Variants in ADD1 observed in about 807,000 individuals in gnomAD.
ADD1 encodes the protein alpha-adducin.
ADD1 carries 24 observed loss-of-function variants against 80.5 expected under a neutral mutation model. That is an observed-to-expected ratio of 0.30 (90% CI 0.22 to 0.42). ADD1 has a LOEUF of 0.42. ADD1 is among the 10% of genes least tolerant of loss of function. ADD1 has a pLI of 1.00. For missense variants in ADD1, 948 were observed against 1,019.0 expected, an observed-to-expected ratio of 0.93 and a Z score of 0.95; for synonymous variants, 373 against 393.8, an observed-to-expected ratio of 0.95 and a Z score of 0.63.
chr4:2,916,492 C>G (rs557374531), intron 14 of ADD1, among the ~76,000 whole-genome samples: 1 of 152,202 alleles, frequency 6.6e-6, no homozygotes, highest in Non-Finnish European at 1.5e-5. Context: ...CTGCGCCCGG[C>G]CCTGAATATT....
intron 2 of ADD1, among the ~76,000 whole-genome samples, chr4:2,879,245 C>A (rs1188518509): frequency 6.6e-6 from 1 of 152,194 alleles, no homozygotes; most frequent in Non-Finnish European, 1.5e-5. Context: ...TCACTCAGGA[C>A]TAAGCTCAGC....
In ADD1 at chr4:2,884,658, CAT is replaced by C; in HGVS notation, c.505_506del (p.Ile169HisfsTer22). The C allele has an allele frequency of 6.2e-7, 1 of 1,606,690 alleles. No homozygotes were observed. The highest frequency in any genetic ancestry group is 8.5e-7 in the Non-Finnish European group (1 of 1,175,436). ...LFGWSQLIYN[H>X]ITTRVNSEQE... ...TGGGTGGTCTCAGCTTATCTACAAT[CAT>C]ATCACAGTGAGTATTAAATGGGCTA... On this transcript the variant is annotated frameshift_variant, in exon 4 of 16. Coordinates refer to ENST00000683351, the MANE Select transcript of ADD1 (RefSeq NM_001354761.2). LOFTEE classifies it high-confidence loss of function.
intron 1 of ADD1, among the ~76,000 whole-genome samples, chr4:2,856,584 GTTTTT>G (rs35341139): frequency 1.9e-5 from 2 of 105,812 alleles, no homozygotes; most frequent in South Asian, 3.0e-4. Flanking sequence ...GGTTACTAGA[GTTTTT>G]TTTTTTTTTT....
intron 4 of ADD1, among the ~76,000 whole-genome samples, chr4:2,891,585 C>T (rs1182488940): frequency 1.3e-5 from 2 of 152,166 alleles, no homozygotes; most frequent in African/African-American, 4.8e-5. Context: ...TGACCCCTAG[C>T]AATGATTTAG....
chr4:2,893,275 A>T (rs1734614581), intron 4 of ADD1, among the ~76,000 whole-genome samples: 1 of 151,612 alleles, frequency 6.6e-6, no homozygotes, highest in South Asian at 2.1e-4. Flanking sequence ...TGCCTACTGC[A>T]GCAAGGAAAA....
Position 2,896,161 on chromosome 4 carries a change from A to G in ADD1, c.741+1430A>G, listed in dbSNP as rs181862829. Among the ~76,000 whole-genome samples the G allele has an allele frequency of 1.1e-3, 167 of 151,934 alleles. 1 individual carries two copies. The highest frequency in any genetic ancestry group is 3.6e-3 in the Admixed American group (55 of 15,270). On this transcript the variant is annotated intron_variant, in intron 6 of 15. Transcript: ENST00000683351. Reference sequence around the variant, plus strand: ...TTCGGCCTCCCAAAGTGCTGGGATTACAGGTGTGAGCCACTGCACCCGGCC... The same window carrying G: ...TTCGGCCTCCCAAAGTGCTGGGATTGCAGGTGTGAGCCACTGCACCCGGCC...
chr4:2,884,416 C>G (rs1732904016), intron 3 of ADD1, 99 bp from the exon 4 acceptor site: 3 of 969,452 alleles, frequency 3.1e-6, no homozygotes, highest in South Asian at 4.7e-5. Context: ...GCCTCAAACT[C>G]ATGGCTTCAA....
At chr4:2,856,850 C>T (rs906306842) in intron 1 of ADD1, among the ~76,000 whole-genome samples, 3 of 151,842 alleles carry the variant, frequency 2.0e-5, no homozygotes, top group African/African-American at 2.4e-5. Context: ...CTTGGCCTCC[C>T]GAAGTGCTGG....
At position 2,899,272 on chromosome 4, in the gene ADD1, C is replaced by A. The variant is rs1260774769; in HGVS notation, c.998C>A (p.Ala333Asp). ...GTTTTGGAAAAGGTTCGAACTCTGG[C>A]CAGTGCAGGAGGACCAGACAACTTA... ...VACEIQVRTL[A>D]SAGGPDNLVL... is the part of the protein sequence containing the mutation. The change falls in exon 9 of 16, where the codon GCC becomes GAC. Residue 333 changes from alanine (A) to aspartate (D), a missense_variant. Physicochemically the swap from Ala to Asp is moderately radical, Grantham distance 126. Transcript: ENST00000683351. 39 of 1,610,566 alleles carry A rather than the reference C, an allele frequency of 2.4e-5. No individual in the cohort carries two copies. Among genetic ancestry groups the A allele is most frequent in the Non-Finnish European group, 3.0e-5 (35 of 1,177,282 alleles).
intron 13 of ADD1, among the ~76,000 whole-genome samples, chr4:2,909,698 A>G (rs1737688865): frequency 6.6e-6 from 1 of 152,152 alleles, no homozygotes; most frequent in East Asian, 1.9e-4. Flanking sequence ...GCATTTCTGC[A>G]GTTCCGCACG....
At chr4:2,870,337 A>G (rs1244259268) in intron 1 of ADD1, among the ~76,000 whole-genome samples, 1 of 152,238 alleles carries the variant, frequency 6.6e-6, no homozygotes, top group Non-Finnish European at 1.5e-5. Flanking sequence ...GAGTCAGTAA[A>G]TAATGTACTA....
At chr4:2,849,008 C>T (rs141420323) in intron 1 of ADD1, among the ~76,000 whole-genome samples, 290 of 152,284 alleles carry the variant, frequency 1.9e-3, no homozygotes, top group Middle Eastern at 3.4e-3. Flanking sequence ...GATACATTCT[C>T]AGAAGTGAGA....
chr4:2,853,171 C>T (rs964369026), intron 1 of ADD1: 3 of 150,326 alleles, frequency 2.0e-5, no homozygotes, highest in African/African-American at 7.4e-5. Flanking sequence ...TGCAGTGGCA[C>T]GATCTTGGCT....
intron 2 of ADD1, 179 bp from the exon 3 acceptor site, chr4:2,881,719 A>G (rs1732376739): frequency 4.5e-6 from 2 of 448,960 alleles, no homozygotes. Context: ...ATTGTATTAA[A>G]TTACTTTCTA....
chr4:2,881,051 A>G (rs1018740579), intron 2 of ADD1, among the ~76,000 whole-genome samples: 1 of 149,734 alleles, frequency 6.7e-6, no homozygotes, highest in African/African-American at 2.5e-5. Context: ...AAGGATTACA[A>G]TGAACATTTT....
At chr4:2,881,072 CTTT>C (rs752868581) in intron 2 of ADD1, among the ~76,000 whole-genome samples, 1 of 89,358 alleles carries the variant, frequency 1.1e-5, no homozygotes, top group Non-Finnish European at 2.0e-5. Flanking sequence ...GATGTATTTA[CTTT>C]TTTTTTTTTT....
intron 4 of ADD1, among the ~76,000 whole-genome samples, chr4:2,888,431 A>G (rs1560195156): frequency 7.5e-6 from 1 of 133,522 alleles, no homozygotes; most frequent in African/African-American, 2.9e-5. Context: ...TATTATTATT[A>G]TTTTAGGCAG....
intron 1 of ADD1, among the ~76,000 whole-genome samples, chr4:2,872,094 G>C (rs1479670640): frequency 1.3e-5 from 2 of 152,182 alleles, no homozygotes; most frequent in African/African-American, 4.8e-5. Flanking sequence ...GAGTGTCCAG[G>C]AAGTGAGTGA....
chr4:2,911,431 C>CATATATATATATATATATATAT (rs1553848842), intron 13 of ADD1, among the ~76,000 whole-genome samples: 6 of 140,884 alleles, frequency 4.3e-5, no homozygotes, highest in Admixed American at 1.4e-4. Context: ...ACCTGAAATA[C>CATATATATATATATATATATAT]ATATATATAT....
Sources: allele counts gnomAD v4.1 joint callset (sites outside exome capture counted in the v4.1 genomes callset), GRCh38; gene constraint gnomAD v4.1.1; transcripts MANE v1.5; gene names NCBI Gene and HGNC (gene_info 2026-07-23, HGNC 2026-07-21).